UVRAG: variants seen among roughly 807,000 people sequenced by gnomAD.
UVRAG encodes UV radiation resistance-associated gene protein.
In UVRAG, 19 loss-of-function variants were observed where a neutral mutation model predicts 78.0. The ratio of observed to expected loss-of-function variants is 0.24; its 90% confidence interval spans 0.17 to 0.36. The LOEUF is 0.36. Ranked by LOEUF, UVRAG falls within the 10% of genes least tolerant of loss-of-function variation. The pLI is 1.00. For missense variants in UVRAG, 740 were observed against 853.8 expected, an observed-to-expected ratio of 0.87 and a Z score of 1.66; for synonymous variants, 323 against 324.6, an observed-to-expected ratio of 1.00 and a Z score of 0.05.
chr11:76,047,569 A>G (rs1046354351), intron 12 of UVRAG, among the ~76,000 whole-genome samples: 6 of 152,190 alleles, frequency 3.9e-5, no homozygotes, highest in African/African-American at 1.2e-4. Context: ...AAGGGAAAAG[A>G]AAATATTGGT....
intron 13 of UVRAG, among the ~76,000 whole-genome samples, chr11:76,088,129 T>C (rs994058393): frequency 9.2e-5 from 14 of 152,192 alleles, no homozygotes; most frequent in African/African-American, 2.2e-4. Flanking sequence ...CTCAAACTTA[T>C]GGGCTCAAGC....
intron 5 of UVRAG, among the ~76,000 whole-genome samples, chr11:75,889,424 A>G (rs1366998648): frequency 5.9e-5 from 9 of 152,176 alleles, no homozygotes; most frequent in African/African-American, 2.2e-4. Context: ...ACTAGCCAAA[A>G]CCAATGTGGT....
intron 3 of UVRAG, among the ~76,000 whole-genome samples, chr11:75,870,775 T>C (rs1243875874): frequency 1.3e-5 from 2 of 152,204 alleles, no homozygotes; most frequent in South Asian, 2.1e-4. Flanking sequence ...ATTGAGATAT[T>C]GTACACATCT....
At chr11:76,005,958 T>C (rs774184120) in intron 9 of UVRAG, among the ~76,000 whole-genome samples, 8 of 152,214 alleles carry the variant, frequency 5.3e-5, no homozygotes, top group Non-Finnish European at 1.0e-4. Context: ...ACACTGCCAG[T>C]CTGGAAGCTC....
chr11:76,003,257 A>ATTTTTTTTTTTTTTTTTTTTTTTTTTTTT (rs398045280), intron 8 of UVRAG, among the ~76,000 whole-genome samples: 1 of 53,734 alleles, frequency 1.9e-5, no homozygotes, highest in Admixed American at 3.5e-4. Context: ...GAAAATACTG[A>ATTTTTTTTTTTTTTTTTTTTTTTTTTTTT]TTTTTTTTTT....
chr11:76,044,498 G>A (rs1950708745), intron 12 of UVRAG, among the ~76,000 whole-genome samples: 2 of 152,224 alleles, frequency 1.3e-5, no homozygotes, highest in Non-Finnish European at 2.9e-5. Context: ...CAGGCCAGGC[G>A]CCGCGGCTCA....
chr11:75,985,145 ATTTCT>A (rs1949473633), intron 8 of UVRAG, among the ~76,000 whole-genome samples: 2 of 144,462 alleles, frequency 1.4e-5, no homozygotes, highest in African/African-American at 5.3e-5. Context: ...CTTGTCAGGA[ATTTCT>A]TTTCTTTTTT....
intron 13 of UVRAG, among the ~76,000 whole-genome samples, chr11:76,091,056 T>C (rs1179200133): frequency 6.6e-6 from 1 of 152,212 alleles, no homozygotes; most frequent in African/African-American, 2.4e-5. Context: ...CTTCTATAGC[T>C]TCCTAAGAAA....
At chr11:75,967,228 C>G (rs1275820671) in intron 7 of UVRAG, among the ~76,000 whole-genome samples, 1 of 152,132 alleles carries the variant, frequency 6.6e-6, no homozygotes, top group African/African-American at 2.4e-5. Flanking sequence ...CAGTTTGTTG[C>G]ATACTTATTC....
At chr11:75,995,437 G>A (rs1272918850) in intron 8 of UVRAG, among the ~76,000 whole-genome samples, 1 of 144,180 alleles carries the variant, frequency 6.9e-6, no homozygotes, top group Non-Finnish European at 1.5e-5. Flanking sequence ...ATAAAAAGTT[G>A]TTGCCAAAAT....
intron 7 of UVRAG, among the ~76,000 whole-genome samples, chr11:75,967,962 T>C (rs1004631525): frequency 4.6e-5 from 7 of 152,212 alleles, no homozygotes; most frequent in Non-Finnish European, 7.4e-5. Flanking sequence ...ACTTTTGACC[T>C]AAGGCAAAAA....
chr11:75,833,745 G>T (rs1945715558), intron 1 of UVRAG, among the ~76,000 whole-genome samples: 1 of 152,182 alleles, frequency 6.6e-6, no homozygotes, highest in African/African-American at 2.4e-5. Flanking sequence ...TATTCCTTAC[G>T]GGAAACAAAG....
intron 12 of UVRAG, among the ~76,000 whole-genome samples, chr11:76,063,407 A>G (rs557683515): frequency 1.8e-4 from 27 of 152,236 alleles, no homozygotes; most frequent in Non-Finnish European, 2.9e-4. Context: ...AGTTCTCCCC[A>G]CTAACCTCTT....
intron 7 of UVRAG, among the ~76,000 whole-genome samples, chr11:75,963,083 G>T (rs768664272): frequency 2.0e-5 from 3 of 152,016 alleles, no homozygotes; most frequent in African/African-American, 7.2e-5. Context: ...CAAAACTATA[G>T]CCCCCTCAGT....
intron 3 of UVRAG, among the ~76,000 whole-genome samples, chr11:75,878,921 G>A (rs1946877850): frequency 1.1e-5 from 1 of 93,590 alleles, no homozygotes; most frequent in South Asian, 2.8e-4. Flanking sequence ...GGGGGAGGGA[G>A]AGGGAGAGGG....
intron 8 of UVRAG, among the ~76,000 whole-genome samples, chr11:75,993,582 AC>A (rs554821845): frequency 3.0e-4 from 45 of 152,156 alleles, no homozygotes; most frequent in African/African-American, 9.9e-4. Flanking sequence ...TCCTGACACA[AC>A]CCCCAAATCT....
In UVRAG at chr11:75,931,844, T is replaced by TA. The variant is rs549028048; in HGVS notation, c.593+19812dup. Among the ~76,000 whole-genome samples, 3 of 151,456 alleles carry TA rather than the reference T, an allele frequency of 2.0e-5. No homozygotes were observed. In the East Asian group the frequency reaches 5.8e-4, roughly 29 times the overall value. ...TATCTCATTTTTACATTATCAAGTT[T>TA]AAAAAAACTTTACATGTTATGTTGT... On this transcript the variant is annotated intron_variant, in intron 6 of 14. Transcript: ENST00000356136.
chr11:75,878,281 C>T (rs1033800322), intron 3 of UVRAG: 9 of 200,064 alleles, frequency 4.5e-5, no homozygotes, highest in Non-Finnish European at 7.2e-5. Flanking sequence ...GGCAGAGACG[C>T]TCCTCACTTC....
chr11:76,073,998 A>G, intron 13 of UVRAG, among the ~76,000 whole-genome samples: 1 of 152,188 alleles, frequency 6.6e-6, no homozygotes, highest in Admixed American at 6.5e-5. Context: ...ATGTAAAACA[A>G]TGTCACTCAT....
Sources: allele counts gnomAD v4.1 joint callset (sites outside exome capture counted in the v4.1 genomes callset), GRCh38; gene constraint gnomAD v4.1.1; transcripts MANE v1.5; gene names NCBI Gene and HGNC (gene_info 2026-07-23, HGNC 2026-07-21).